CTNNA2: variants seen among roughly 807,000 people sequenced by gnomAD.
The protein encoded by CTNNA2 is catenin alpha-2.
A neutral mutation model predicts 101.0 loss-of-function variants in CTNNA2; 42 were observed. The observed-to-expected ratio is 0.42, with a 90% CI of 0.32 to 0.54. CTNNA2 has a LOEUF of 0.54. Ranked by LOEUF, CTNNA2 falls within the 20% of genes least tolerant of loss-of-function variation. The probability of loss-of-function intolerance (pLI) is 0.14; values close to 1 mark genes in which losing one functional copy is unlikely to be tolerated. For synonymous variants in CTNNA2, 450 were observed against 456.4 expected, an observed-to-expected ratio of 0.99 and a Z score of 0.18; for missense variants, 871 against 1,223.1, an observed-to-expected ratio of 0.71 and a Z score of 4.29.
chr2:79,432,511 C>T (rs1678668944), intron 4 of CTNNA2, among the ~76,000 whole-genome samples: 1 of 152,140 alleles, frequency 6.6e-6, no homozygotes, highest in Admixed American at 6.5e-5. Context: ...TTGAATTATT[C>T]AGCCTTTCCT....
intron 4 of CTNNA2, among the ~76,000 whole-genome samples, chr2:79,456,929 T>C (rs938861797): frequency 1.3e-5 from 2 of 152,036 alleles, no homozygotes; most frequent in African/African-American, 4.8e-5. Context: ...CGGCCGGGCA[T>C]GGTGGCTCAC....
At chr2:79,824,251 C>G (rs1186691457) in intron 3 of CTNNA2, among the ~76,000 whole-genome samples, 2 of 152,126 alleles carry the variant, frequency 1.3e-5, no homozygotes, top group Non-Finnish European at 2.9e-5. Flanking sequence ...CTCTGAATCA[C>G]CCAGAGGCTA....
chr2:79,357,690 G>T (rs533445830), intron 3 of CTNNA2, among the ~76,000 whole-genome samples: 21 of 152,130 alleles, frequency 1.4e-4, no homozygotes, highest in African/African-American at 4.8e-4. Context: ...ATGCAAAGCT[G>T]CTAAAAAAAC....
chr2:79,230,021 A>G (rs1244589772), intron 2 of CTNNA2, among the ~76,000 whole-genome samples: 1 of 152,246 alleles, frequency 6.6e-6, no homozygotes, highest in Non-Finnish European at 1.5e-5. Flanking sequence ...AAAGCCATTC[A>G]GTTTTATAAG....
intron 7 of CTNNA2, among the ~76,000 whole-genome samples, chr2:80,217,173 A>G (rs1397227173): frequency 6.6e-6 from 1 of 152,144 alleles, no homozygotes; most frequent in African/African-American, 2.4e-5. Context: ...ATAATGAACC[A>G]GATGAATAGT....
At chr2:80,012,959 T>C (rs1693888763) in intron 7 of CTNNA2, among the ~76,000 whole-genome samples, 1 of 151,932 alleles carries the variant, frequency 6.6e-6, no homozygotes, top group South Asian at 2.1e-4. Context: ...GGCTCTGGAG[T>C]TTGAGACCAT....
At chr2:80,215,665 G>A (rs768158198) in intron 7 of CTNNA2, among the ~76,000 whole-genome samples, 59 of 152,238 alleles carry the variant, frequency 3.9e-4, no homozygotes, top group Non-Finnish European at 6.3e-4. Flanking sequence ...AGTGTCAGTC[G>A]GCCCCTACTG....
chr2:80,129,388 T>C (rs72926618), intron 7 of CTNNA2, among the ~76,000 whole-genome samples: 20,240 of 152,210 alleles, frequency 0.13, 1,637 homozygotes, highest in South Asian at 0.32. Context: ...GTCAGTCAAC[T>C]GCTCTTCACA....
intron 9 of CTNNA2, among the ~76,000 whole-genome samples, chr2:80,470,438 A>G (rs1366895132): frequency 6.6e-6 from 1 of 152,154 alleles, no homozygotes; most frequent in East Asian, 1.9e-4. Context: ...AGAGTCATCC[A>G]AATTTGAATT....
chr2:79,673,294 T>G (rs747467117), intron 2 of CTNNA2, among the ~76,000 whole-genome samples: 1 of 152,132 alleles, frequency 6.6e-6, no homozygotes, highest in African/African-American at 2.4e-5. Flanking sequence ...TAAAAACTTT[T>G]AGGTTTTTCT....
chr2:80,324,394 A>G (rs1449529865), intron 7 of CTNNA2, among the ~76,000 whole-genome samples: 1 of 151,952 alleles, frequency 6.6e-6, no homozygotes, highest in Non-Finnish European at 1.5e-5. Context: ...TTTCCTGTGG[A>G]TTTGAGGTCG....
intron 17 of CTNNA2, among the ~76,000 whole-genome samples, chr2:80,615,306 G>A (rs370012267): frequency 6.6e-6 from 1 of 151,310 alleles, no homozygotes; most frequent in Non-Finnish European, 1.5e-5. Flanking sequence ...ATTTCCAATG[G>A]CAAACAATCA....
chr2:80,402,095 C>A (rs1327032811), intron 8 of CTNNA2, among the ~76,000 whole-genome samples: 2 of 152,160 alleles, frequency 1.3e-5, no homozygotes, highest in Non-Finnish European at 2.9e-5. Context: ...CTCAGGTCCA[C>A]CTAATTTGCC....
In CTNNA2 at chr2:79,692,098, G is replaced by A. The variant is rs192253479; in HGVS notation, c.102+40440G>A. ...AGAGTGAACAGGCAACCTACAGAAT[G>A]GGAGAAAATTTTTGCGATCTATCCA... On this transcript the variant is annotated intron_variant, in intron 2 of 18. Coordinates refer to ENST00000402739, the MANE Select transcript of CTNNA2 (RefSeq NM_001282597.3). Among the ~76,000 whole-genome samples the A allele has an allele frequency of 2.0e-5, 3 of 152,214 alleles. No homozygotes were observed. The East Asian group carries it at 5.8e-4, about 30-fold the overall frequency.
chr2:79,332,902 T>C (rs1676907890), intron 3 of CTNNA2, among the ~76,000 whole-genome samples: 1 of 152,078 alleles, frequency 6.6e-6, no homozygotes. Flanking sequence ...GCTCCAATGG[T>C]GTGCAGGGTA....
At chr2:80,045,420 C>T (rs2104301344) in intron 7 of CTNNA2, among the ~76,000 whole-genome samples, 1 of 152,268 alleles carries the variant, frequency 6.6e-6, no homozygotes, top group Admixed American at 6.5e-5. Context: ...TTTTAAGCTT[C>T]CCCAAAGTAC....
At chr2:79,267,847 G>C (rs1470817379) in intron 2 of CTNNA2, among the ~76,000 whole-genome samples, 1 of 152,132 alleles carries the variant, frequency 6.6e-6, no homozygotes, top group Non-Finnish European at 1.5e-5. Flanking sequence ...ATGTGTATTT[G>C]AGATGGCTCC....
chr2:79,472,301 C>A (rs1308897847), intron 4 of CTNNA2, among the ~76,000 whole-genome samples: 1 of 152,206 alleles, frequency 6.6e-6, no homozygotes, highest in Non-Finnish European at 1.5e-5. Context: ...GGTGGTGGTA[C>A]TGCACGTGCA....
intron 1 of CTNNA2, among the ~76,000 whole-genome samples, chr2:79,631,040 CT>C (rs1679655774): frequency 1.3e-5 from 2 of 152,092 alleles, no homozygotes; most frequent in Admixed American, 6.5e-5. Context: ...TCACAGGATC[CT>C]GTTTTATGTG....
Sources: allele counts gnomAD v4.1 joint callset (sites outside exome capture counted in the v4.1 genomes callset), GRCh38; gene constraint gnomAD v4.1.1; transcripts MANE v1.5; gene names NCBI Gene and HGNC (gene_info 2026-07-23, HGNC 2026-07-21).